Variants in ROCK2 observed in about 807,000 individuals in gnomAD.
ROCK2 encodes the protein rho-associated protein kinase 2.
ROCK2 carries 61 observed loss-of-function variants against 195.1 expected under a neutral mutation model. The observed-to-expected ratio is 0.31, with a 90% CI of 0.25 to 0.39. The LOEUF is 0.39. Among genes scored for constraint, ROCK2 ranks in the 10% least tolerant of loss-of-function variants. The probability of loss-of-function intolerance (pLI) is 1.00; values close to 1 mark genes in which losing one functional copy is unlikely to be tolerated. For synonymous variants in ROCK2, 504 were observed against 545.5 expected, an observed-to-expected ratio of 0.92 and a Z score of 1.06; for missense variants, 1,109 against 1,637.4, an observed-to-expected ratio of 0.68 and a Z score of 5.57.
rs1669217925 is a variant in ROCK2 at position 11,344,387 on chromosome 2, C to G, written c.-251G>C. 1 of 1,132,700 alleles carries G rather than the reference C, an allele frequency of 8.8e-7. No individual in the cohort carries two copies. The highest frequency in any genetic ancestry group is 1.6e-5 in the African/African-American group (1 of 61,642). 70.2% of individuals were successfully genotyped at this position (1,132,700 alleles called of 1,614,324 possible). A position where few individuals can be genotyped will look rare whatever the true frequency, so the allele number is the denominator to read the frequency against. On this transcript the variant is annotated 5_prime_UTR_variant, in exon 1 of 33. Coordinates refer to ENST00000315872, the MANE Select transcript of ROCK2 (RefSeq NM_004850.5). The surrounding 1 kb of genome is among the most constrained non-coding windows in gnomAD (Gnocchi z 5.4). ...GCGGGGAACAGACGGCGTCCCCGCC[C>G]CTCAGTCAGATTCGCGCCGCCGGTC... is the stretch of plus-strand genomic sequence containing the variant.
chr2:11,269,120 C>T (rs1174993229), intron 3 of ROCK2, among the ~76,000 whole-genome samples: 4 of 152,078 alleles, frequency 2.6e-5, no homozygotes, highest in Non-Finnish European at 5.9e-5. Context: ...GGTTTTCTGT[C>T]TCTTTACTGA....
Position 11,235,625 on chromosome 2 carries a change from A to G in ROCK2, c.723+77T>C, listed in dbSNP as rs1022971284. ...ACTAAATTTACCTTTGTTCAAAACT[A>G]TGAAGACCTGACTTAAAGTATTTCA... is the stretch of plus-strand genomic sequence containing the variant. On this transcript the variant is annotated intron_variant, in intron 5 of 32. Transcript: ENST00000315872. This position sits in a 1 kb window ranked among gnomAD's most constrained non-coding sequence, Gnocchi z 4.2. 2.7e-6 allele frequency: 4 copies of G among 1,455,012 alleles called. No individual in the cohort carries two copies. In the African/African-American group the frequency reaches 5.7e-5, roughly 21 times the overall value. The allele number at this position is 1,455,012 out of a possible 1,614,324, so 90.1% of individuals were successfully genotyped here.
chr2:11,190,219 C>A (rs1235635784), intron 32 of ROCK2, among the ~76,000 whole-genome samples: 1 of 151,994 alleles, frequency 6.6e-6, no homozygotes, highest in Non-Finnish European at 1.5e-5. Flanking sequence ...ATATACACTA[C>A]ACATTTTACA....
intron 16 of ROCK2, 134 bp downstream of exon 16, chr2:11,214,706 T>TTTCTAAA: frequency 1.2e-6 from 1 of 865,604 alleles, no homozygotes; most frequent in African/African-American, 1.7e-5. Context: ...TTTGTATCAG[T>TTTCTAAA]GTATTTCTAA....
intron 3 of ROCK2, among the ~76,000 whole-genome samples, chr2:11,269,525 A>T (rs549890422): frequency 4.1e-4 from 60 of 148,144 alleles, no homozygotes; most frequent in East Asian, 9.7e-4. Context: ...AAAAAAAAAA[A>T]ATCTTTTTTG....
In ROCK2 at chr2:11,277,429, C is replaced by A. The variant is rs959227729; in HGVS notation, c.324+9110G>T. Among the ~76,000 whole-genome samples, 69 of 63,796 alleles carry A rather than the reference C, an allele frequency of 1.1e-3. 1 individual carries two copies. The highest frequency in any genetic ancestry group is 2.7e-3 in the Admixed American group (12 of 4,518). The allele number at this position is 63,796 out of a possible 152,430, so 41.9% of individuals were successfully genotyped here. A position where few individuals can be genotyped will look rare whatever the true frequency, so the allele number is the denominator to read the frequency against. ...ATGTGTAAGATTTTGGTGCACCCATCCCCCAAGAGTATACACTGCACCCTA... is the reference window on the plus strand; with the variant it reads ...ATGTGTAAGATTTTGGTGCACCCATACCCCAAGAGTATACACTGCACCCTA... On this transcript the variant is annotated intron_variant, in intron 3 of 32. Coordinates refer to ENST00000315872, the MANE Select transcript of ROCK2 (RefSeq NM_004850.5).
chr2:11,329,700 C>CA (rs5829300), intron 1 of ROCK2, among the ~76,000 whole-genome samples: 108,347 of 147,872 alleles, frequency 0.73, 40,979 homozygotes, highest in East Asian at 0.94. Flanking sequence ...CCCATTTTTA[C>CA]AAAAAAAAAA....
At chr2:11,219,077 GTGCTGT>G in intron 9 of ROCK2, 51 bp from the exon 10 acceptor site, 1 of 1,018,532 alleles carries the variant, frequency 9.8e-7, no homozygotes, top group Non-Finnish European at 1.4e-6. Context: ...TTTAATCTAT[GTGCTGT>G]TTTATTCAAG....
intron 1 of ROCK2, among the ~76,000 whole-genome samples, chr2:11,299,096 G>C (rs1667627526): frequency 6.6e-6 from 1 of 151,238 alleles, no homozygotes; most frequent in Non-Finnish European, 1.5e-5. Context: ...GCTAAACTCT[G>C]TCTCTACTAA....
At chr2:11,342,245 A>C (rs1361597049) in intron 1 of ROCK2, among the ~76,000 whole-genome samples, 2 of 152,214 alleles carry the variant, frequency 1.3e-5, no homozygotes, top group African/African-American at 4.8e-5. Context: ...ACCTGATGTC[A>C]ATTCTCAGAT....
intron 10 of ROCK2, 80 bp from the exon 11 acceptor site, chr2:11,218,546 TAACAAAATTA>T: frequency 1.0e-6 from 1 of 1,003,582 alleles, no homozygotes; most frequent in South Asian, 1.7e-5. Flanking sequence ...ACACAAACCA[TAACAAAATTA>T]TCCAACCTAA....
intron 3 of ROCK2, among the ~76,000 whole-genome samples, chr2:11,277,968 G>A (rs1272020955): frequency 6.6e-6 from 1 of 152,010 alleles, no homozygotes; most frequent in Non-Finnish European, 1.5e-5. Context: ...TTTTTTAATT[G>A]ACAAAAACTG....
At chr2:11,336,799 T>G (rs1274587117) in intron 1 of ROCK2, among the ~76,000 whole-genome samples, 1 of 152,182 alleles carries the variant, frequency 6.6e-6, no homozygotes, top group Non-Finnish European at 1.5e-5. Context: ...CACCACACAT[T>G]AAATTTAGCT....
At chr2:11,331,983 G>A (rs536984777) in intron 1 of ROCK2, among the ~76,000 whole-genome samples, 1 of 151,568 alleles carries the variant, frequency 6.6e-6, no homozygotes, top group Admixed American at 6.6e-5. Context: ...GCCATTATTA[G>A]GGCCTTCCCA....
upstream of ROCK2, chr2:11,344,653 G>A (rs1409437347): frequency 6.1e-6 from 1 of 164,160 alleles, no homozygotes; most frequent in Admixed American, 6.8e-5. This position sits in a 1 kb window ranked among gnomAD's most constrained non-coding sequence, Gnocchi z 5.4. Context: ...GCGCGCCGCC[G>A]CTACCCACAA....
At chr2:11,330,769 A>G (rs1345424346) in intron 1 of ROCK2, among the ~76,000 whole-genome samples, 4 of 73,850 alleles carry the variant, frequency 5.4e-5, no homozygotes, top group South Asian at 1.3e-3. Flanking sequence ...AGGGAGGAGG[A>G]GGAGGGAGGG....
intron 17 of ROCK2, among the ~76,000 whole-genome samples, chr2:11,213,423 A>G (rs1007659396): frequency 6.6e-6 from 1 of 151,976 alleles, no homozygotes; most frequent in Non-Finnish European, 1.5e-5. Flanking sequence ...ATGTCCTTAC[A>G]TAACAACCAC....
chr2:11,216,872 C>T lies in ROCK2; in HGVS notation c.1412+218G>A, dbSNP rs534080423. Reference sequence around the variant, plus strand: ...CCAGGTAGCTGGGATTACAGGCACCCGCCACCATGCCCAGCTAATTTTTGT... The same window carrying T: ...CCAGGTAGCTGGGATTACAGGCACCTGCCACCATGCCCAGCTAATTTTTGT... On this transcript the variant is annotated intron_variant, in intron 12 of 32. Coordinates refer to ENST00000315872, the MANE Select transcript of ROCK2 (RefSeq NM_004850.5). Among the ~76,000 whole-genome samples the T allele has an allele frequency of 7.2e-5, 11 of 152,136 alleles. No homozygotes were observed. The East Asian group carries it at 7.7e-4, about 11-fold the overall frequency.
intron 3 of ROCK2, among the ~76,000 whole-genome samples, chr2:11,256,605 T>C (rs529112956): frequency 6.6e-6 from 1 of 150,606 alleles, no homozygotes. Context: ...ATAAGTTATA[T>C]AGTTTAATTA....
Sources: gnomAD v4.1 joint callset for allele counts (sites outside exome capture counted in the v4.1 genomes callset) on GRCh38, gnomAD v4.1.1 for gene constraint, Gnocchi (gnomAD v3.1) non-coding constraint, MANE v1.5 for transcripts, NCBI Gene and HGNC (gene_info 2026-07-23, HGNC 2026-07-21) for gene names.